COL19A1: variants seen among roughly 807,000 people sequenced by gnomAD.
COL19A1 encodes the protein collagen alpha-1(XIX) chain.
In COL19A1, 159 loss-of-function variants were observed where a neutral mutation model predicts 190.2. The observed-to-expected ratio is 0.84, with a 90% CI of 0.73 to 0.95. COL19A1 has a LOEUF of 0.95. Among genes scored for constraint, COL19A1 ranks in the 40% least tolerant of loss-of-function variants. The pLI is 0.00. For synonymous variants in COL19A1, 509 were observed against 458.9 expected (o/e 1.11, Z -1.39); for missense variants, 1,418 against 1,431.9 (o/e 0.99, Z 0.16).
At chr6:69,955,792 A>G (rs1774387191) in intron 9 of COL19A1, among the ~76,000 whole-genome samples, 1 of 152,078 alleles carries the variant, frequency 6.6e-6, no homozygotes, top group Admixed American at 6.6e-5. Context: ...AAGGGATGTC[A>G]TGTATAAGAC....
rs545088546 is a variant in COL19A1, at chr6:70,141,756, C to G, written c.1483-137C>G. On this transcript the variant is annotated intron_variant, in intron 20 of 50. Transcript: ENST00000620364. Reference sequence around the variant, plus strand: ...TTTGAATCATGTTTTAGAATGAACTCTCCTTGATTTTATTGTGTCTTCCAT... The same window carrying G: ...TTTGAATCATGTTTTAGAATGAACTGTCCTTGATTTTATTGTGTCTTCCAT... 8.1e-6 allele frequency: 5 copies of G among 620,870 alleles called. No homozygotes were observed. In the African/African-American group the frequency reaches 9.3e-5, roughly 12 times the overall value. 38.5% of individuals were successfully genotyped at this position (620,870 alleles called of 1,614,324 possible).
At chr6:69,950,029 A>T (rs1349706436) in intron 9 of COL19A1, among the ~76,000 whole-genome samples, 1 of 151,882 alleles carries the variant, frequency 6.6e-6, no homozygotes, top group African/African-American at 2.4e-5. Flanking sequence ...TGAAGTATTA[A>T]TTTGTACATT....
chr6:70,048,731 A>G (rs1780034847), intron 14 of COL19A1, among the ~76,000 whole-genome samples: 1 of 152,112 alleles, frequency 6.6e-6, no homozygotes, highest in Admixed American at 6.6e-5. Flanking sequence ...AATTAATATA[A>G]TTCTAATCCT....
chr6:70,135,590 A>G (rs1439416896), intron 18 of COL19A1, among the ~76,000 whole-genome samples: 1 of 152,194 alleles, frequency 6.6e-6, no homozygotes. Context: ...CCCACTGTGC[A>G]CCGAAGCCAA....
intron 17 of COL19A1, among the ~76,000 whole-genome samples, chr6:70,128,477 G>A (rs1211729460): frequency 6.6e-6 from 1 of 152,128 alleles, no homozygotes; most frequent in Non-Finnish European, 1.5e-5. Context: ...GACAAGTGTA[G>A]CAAGAAGGTC....
Position 70,206,963 on chromosome 6 carries a change from C to G in COL19A1, c.3286C>G (p.Leu1096Val). Residue 1096 changes from leucine to valine, a missense_variant, in exon 50 of 51, where the codon CTT (leucine) becomes GTT (valine). Transcript: ENST00000620364. ...PGIGLPGSPG[L>V]PGTSALGLPG... is the part of the protein sequence containing the mutation. The stretch of plus-strand genomic sequence containing the variant: ...AATTGGGCTGCCAGGGAGTCCAGGT[C>G]TTCCTGGGACTTCAGGTAAGTGGGA... The G allele has an allele frequency of 6.2e-7, 1 of 1,613,742 alleles. No homozygotes were observed. Among genetic ancestry groups the G allele is most frequent in the Non-Finnish European group, 8.5e-7 (1 of 1,179,858 alleles).
At chr6:70,159,412 A>G (rs1172978705) in intron 34 of COL19A1, among the ~76,000 whole-genome samples, 1 of 150,964 alleles carries the variant, frequency 6.6e-6, no homozygotes, top group Non-Finnish European at 1.5e-5. Flanking sequence ...CCATGTATAC[A>G]CACATACACA....
chr6:70,137,632 A>AAT, intron 18 of COL19A1, 53 bp from the exon 19 acceptor site: 1 of 1,533,954 alleles, frequency 6.5e-7, no homozygotes, highest in Non-Finnish European at 9.0e-7. Context: ...TGACAGTCAC[A>AAT]ATAATGCTTC....
intron 2 of COL19A1, among the ~76,000 whole-genome samples, chr6:69,896,480 T>C (rs1229881914): frequency 1.5e-5 from 2 of 134,410 alleles, no homozygotes; most frequent in African/African-American, 5.7e-5. Context: ...GAGCTTGCAG[T>C]GAGCCGAGAT....
chr6:70,108,757 C>T (rs1458492487), intron 16 of COL19A1, among the ~76,000 whole-genome samples: 1 of 152,048 alleles, frequency 6.6e-6, no homozygotes, highest in African/African-American at 2.4e-5. Context: ...TGGGAGCTTA[C>T]TCCAACAAAA....
intron 42 of COL19A1, among the ~76,000 whole-genome samples, chr6:70,179,438 T>C (rs1766026783): frequency 6.6e-6 from 1 of 152,174 alleles, no homozygotes; most frequent in African/African-American, 2.4e-5. Context: ...CACTGGACCG[T>C]CTGCCCCTCT....
rs528411743 is a variant in COL19A1, at chr6:69,871,382, A to T, written c.-33+4742A>T. Reference sequence around the variant, plus strand: ...AGTTACGTATGTATAGGCATACTGGATGGTGGTCAAGAAGTTTTGATTTAA... The same window carrying T: ...AGTTACGTATGTATAGGCATACTGGTTGGTGGTCAAGAAGTTTTGATTTAA... On this transcript the variant is annotated intron_variant, in intron 1 of 50. Coordinates refer to ENST00000620364, the MANE Select transcript of COL19A1 (RefSeq NM_001858.6). 8.5e-5 allele frequency among the ~76,000 whole-genome samples: 13 copies of T among 152,324 alleles called. No homozygotes were observed. The South Asian group carries it at 2.3e-3, about 27-fold the overall frequency.
chr6:70,143,661 A>G (rs926682776), intron 23 of COL19A1, among the ~76,000 whole-genome samples: 2 of 151,758 alleles, frequency 1.3e-5, no homozygotes, highest in Non-Finnish European at 2.9e-5. Context: ...TTGAACACCC[A>G]GTTTATAGAG....
At chr6:69,887,108 A>T (rs1380749574) in intron 2 of COL19A1, among the ~76,000 whole-genome samples, 1 of 152,230 alleles carries the variant, frequency 6.6e-6, no homozygotes, top group Non-Finnish European at 1.5e-5. Flanking sequence ...CTTTGAAATC[A>T]TCATATATTT....
intron 9 of COL19A1, among the ~76,000 whole-genome samples, chr6:69,944,470 G>A (rs1364045553): frequency 3.3e-5 from 5 of 152,144 alleles, no homozygotes; most frequent in Non-Finnish European, 7.4e-5. Context: ...AGACTCTGCT[G>A]AGCAAGGCAA....
intron 14 of COL19A1, among the ~76,000 whole-genome samples, chr6:70,052,390 G>T (rs1780255788): frequency 6.6e-6 from 1 of 152,134 alleles, no homozygotes; most frequent in Non-Finnish European, 1.5e-5. Flanking sequence ...GAGCATTGTT[G>T]CCAACAACCA....
intron 15 of COL19A1, among the ~76,000 whole-genome samples, chr6:70,077,831 T>C (rs1398761507): frequency 2.0e-5 from 3 of 152,298 alleles, no homozygotes; most frequent in Admixed American, 1.3e-4. Context: ...GTGCATTCAA[T>C]ATTTTTATTC....
intron 16 of COL19A1, among the ~76,000 whole-genome samples, chr6:70,103,254 A>G (rs10945197): frequency 0.43 from 65,860 of 151,874 alleles, 14,634 homozygotes; most frequent in South Asian, 0.6. Context: ...ACATCCCAGT[A>G]GCCCACAAAT....
At chr6:69,894,236 TCTTTAA>T (rs899898672) in intron 2 of COL19A1, among the ~76,000 whole-genome samples, 11 of 152,248 alleles carry the variant, frequency 7.2e-5, no homozygotes, top group African/African-American at 1.7e-4. Flanking sequence ...ATTCCTAGCA[TCTTTAA>T]CTTTAAGATA....
Sources: gnomAD v4.1 joint callset for allele counts (sites outside exome capture counted in the v4.1 genomes callset) on GRCh38, gnomAD v4.1.1 for gene constraint, MANE v1.5 for transcripts, NCBI Gene and HGNC (gene_info 2026-07-23, HGNC 2026-07-21) for gene names.